BABAM2: variants seen among roughly 807,000 people sequenced by gnomAD.
BABAM2 encodes the protein BRISC and BRCA1 A complex member 2, also known as BRISC and BRCA1-A complex member 2.
A neutral mutation model predicts 54.7 loss-of-function variants in BABAM2; 31 were observed. That is an observed-to-expected ratio of 0.57 (90% CI 0.43 to 0.77). The LOEUF (loss-of-function observed/expected upper bound fraction) is 0.77, where lower values mean the gene tolerates loss of function less well. BABAM2 is among the 30% of genes least tolerant of loss of function. BABAM2 has a pLI of 0.00. For missense variants in BABAM2, 364 were observed against 455.8 expected, an observed-to-expected ratio of 0.80 and a Z score of 1.83; for synonymous variants, 167 against 162.9, an observed-to-expected ratio of 1.03 and a Z score of -0.19.
intron 7 of BABAM2, among the ~76,000 whole-genome samples, chr2:28,201,775 T>C (rs766203254): frequency 5.9e-5 from 9 of 152,154 alleles, no homozygotes; most frequent in African/African-American, 1.2e-4. Context: ...TTAAGACTTA[T>C]AAAGACGCTG....
intron 11 of BABAM2, among the ~76,000 whole-genome samples, chr2:28,315,173 C>T (rs1689424850): frequency 6.6e-6 from 1 of 151,534 alleles, no homozygotes; most frequent in African/African-American, 2.4e-5. Flanking sequence ...GAGAACATGC[C>T]CTCTGGAATC....
chr2:28,185,883 A>G (rs1240272355), intron 7 of BABAM2, among the ~76,000 whole-genome samples: 2 of 152,186 alleles, frequency 1.3e-5, no homozygotes, highest in African/African-American at 2.4e-5. Context: ...TTTTAAATAT[A>G]TCTTTTTCAT....
intron 6 of BABAM2, among the ~76,000 whole-genome samples, chr2:28,057,340 C>T (rs1291433673): frequency 6.6e-6 from 1 of 152,156 alleles, no homozygotes. Context: ...TAGACTTAAT[C>T]CCTTCATATC....
At chr2:28,043,643 G>A (rs1467598520) in intron 5 of BABAM2, among the ~76,000 whole-genome samples, 1 of 152,064 alleles carries the variant, frequency 6.6e-6, no homozygotes, top group Non-Finnish European at 1.5e-5. Flanking sequence ...GACCTTTTTA[G>A]GTTTAGCTGT....
At chr2:27,986,124 A>G (rs138149871) in intron 3 of BABAM2, among the ~76,000 whole-genome samples, 116 of 152,282 alleles carry the variant, frequency 7.6e-4, no homozygotes, top group African/African-American at 2.7e-3. Context: ...GCTTGTAGAT[A>G]AAGAGAAGGG....
At chr2:27,918,761 T>C (rs1044463105) in intron 2 of BABAM2, among the ~76,000 whole-genome samples, 1 of 152,118 alleles carries the variant, frequency 6.6e-6, no homozygotes, top group African/African-American at 2.4e-5. Context: ...TGATGATGGC[T>C]CACTGCAGTC....
At chr2:28,296,890 G>A (rs1212050567) in intron 10 of BABAM2, among the ~76,000 whole-genome samples, 1 of 152,094 alleles carries the variant, frequency 6.6e-6, no homozygotes, top group Admixed American at 6.6e-5. Flanking sequence ...GTTTCACCAT[G>A]TTGGCCAGGC....
chr2:28,186,857 G>A (rs972869507), intron 7 of BABAM2, among the ~76,000 whole-genome samples: 1 of 150,894 alleles, frequency 6.6e-6, no homozygotes, highest in African/African-American at 2.4e-5. Context: ...CCAGGCTGGA[G>A]TGCAGTGGCA....
intron 4 of BABAM2, among the ~76,000 whole-genome samples, chr2:28,004,221 C>G (rs1430286774): frequency 6.6e-6 from 1 of 151,958 alleles, no homozygotes; most frequent in African/African-American, 2.4e-5. Context: ...ACTGCAGCCC[C>G]CACACAAGCT....
intron 8 of BABAM2, among the ~76,000 whole-genome samples, chr2:28,239,217 A>C (rs1271159691): frequency 6.6e-6 from 1 of 152,258 alleles, no homozygotes; most frequent in Non-Finnish European, 1.5e-5. Flanking sequence ...CTGTTTTTAT[A>C]AATTGACATA....
intron 4 of BABAM2, among the ~76,000 whole-genome samples, chr2:27,991,422 T>TA (rs745802226): frequency 6.6e-6 from 1 of 152,240 alleles, no homozygotes; most frequent in East Asian, 1.9e-4. Context: ...ACAATTCACC[T>TA]AAAGTGTGTA....
chr2:28,018,116 C>T (rs936713993), intron 4 of BABAM2, among the ~76,000 whole-genome samples: 7 of 152,182 alleles, frequency 4.6e-5, no homozygotes, highest in Admixed American at 1.3e-4. Context: ...CTGTGCCCAA[C>T]GTGTAGTCTT....
intron 7 of BABAM2, among the ~76,000 whole-genome samples, chr2:28,146,335 C>T (rs567728006): frequency 1.6e-3 from 250 of 152,246 alleles, no homozygotes; most frequent in South Asian, 4.4e-3. Context: ...ACTTCCTACC[C>T]TCATCATATT....
intron 3 of BABAM2, among the ~76,000 whole-genome samples, chr2:27,971,817 ACTTT>A (rs1671243689): frequency 1.3e-5 from 2 of 152,074 alleles, no homozygotes; most frequent in Admixed American, 6.5e-5. Context: ...GAAAAAGCTT[ACTTT>A]CTTTTTTATA....
chr2:27,995,730 C>CCACCA lies in BABAM2; in HGVS notation c.300+7648_300+7652dup, dbSNP rs1673096263. Among the ~76,000 whole-genome samples the CCACCA allele has an allele frequency of 2.0e-5, 3 of 152,056 alleles. No individual in the cohort carries two copies. The highest frequency in any genetic ancestry group is 6.6e-5 in the Admixed American group (1 of 15,266). Reference sequence around the variant, plus strand: ...GAGTAGCTGGGACTACAGGCGCCCGCCACCACACCTGGCTAGTTTTTTTAT... The same window carrying CCACCA: ...GAGTAGCTGGGACTACAGGCGCCCGCCACCACACCACACCTGGCTAGTTTTTTTAT... On this transcript the variant is annotated intron_variant, in intron 4 of 11. Transcript: ENST00000379624. This position sits in a 1 kb window ranked among gnomAD's most constrained non-coding sequence, Gnocchi z 4.1.
In BABAM2 at chr2:28,307,077, G is replaced by T. The variant is rs528923554; in HGVS notation, c.1088+8586G>T. The stretch of plus-strand genomic sequence containing the variant: ...GCTGGAGTGCAGTGGCGTGATCTCG[G>T]CTCACTGCAACCTCTGCCTCCCGGG... On this transcript the variant is annotated intron_variant, in intron 11 of 11. Coordinates refer to ENST00000379624, the MANE Select transcript of BABAM2 (RefSeq NM_199191.3). Among the ~76,000 whole-genome samples, 9 of 135,682 alleles carry T rather than the reference G, an allele frequency of 6.6e-5. No homozygotes were observed. The East Asian group carries it at 2.0e-3, about 30-fold the overall frequency. 89.0% of individuals were successfully genotyped at this position (135,682 alleles called of 152,430 possible).
chr2:28,018,427 C>T (rs1238099230), intron 4 of BABAM2, among the ~76,000 whole-genome samples: 1 of 152,106 alleles, frequency 6.6e-6, no homozygotes, highest in African/African-American at 2.4e-5. Flanking sequence ...TGGGCTGGTT[C>T]CCCATTTTTG....
intron 7 of BABAM2, among the ~76,000 whole-genome samples, chr2:28,222,156 C>T (rs184016718): frequency 6.6e-6 from 1 of 152,270 alleles, no homozygotes; most frequent in Non-Finnish European, 1.5e-5. Flanking sequence ...GAACCCTTCC[C>T]TGCCCTCTCC....
intron 6 of BABAM2, among the ~76,000 whole-genome samples, chr2:28,067,675 TCAAGGTA>T (rs1663731063): frequency 6.6e-6 from 1 of 152,158 alleles, no homozygotes; most frequent in Non-Finnish European, 1.5e-5. Context: ...TTTAAAACAG[TCAAGGTA>T]CAAAGTGGCA....
Sources: allele counts gnomAD v4.1 joint callset (sites outside exome capture counted in the v4.1 genomes callset), GRCh38; gene constraint gnomAD v4.1.1; non-coding constraint Gnocchi (gnomAD v3.1); transcripts MANE v1.5; gene names NCBI Gene and HGNC (gene_info 2026-07-23, HGNC 2026-07-21).